Variants in SMARCA4 observed in about 807,000 individuals in gnomAD.
SMARCA4 encodes the protein SWI/SNF-related matrix-associated actin-dependent regulator of chromatin subfamily A member 4.
Under a neutral mutation model 193.9 loss-of-function variants are expected in SMARCA4, and 31 were observed. The ratio of observed to expected loss-of-function variants is 0.16; its 90% CI spans 0.12 to 0.22. SMARCA4 has a LOEUF of 0.22. SMARCA4 is among the 10% of genes least tolerant of loss of function. SMARCA4 has a pLI of 1.00. For missense variants in SMARCA4, 1,148 were observed against 2,296.0 expected, an observed-to-expected ratio of 0.50 and a Z score of 10.22; for synonymous variants, 942 against 933.1, an observed-to-expected ratio of 1.01 and a Z score of -0.17.
Position 11,058,444 on chromosome 19 carries a change from G to C in SMARCA4, c.4533+81G>C, listed in dbSNP as rs2076671800. 3.0e-6 allele frequency: 3 copies of C among 1,003,836 alleles called. No homozygotes were observed. The highest frequency in any genetic ancestry group is 4.7e-6 in the Non-Finnish European group (3 of 641,644). 62.2% of individuals were successfully genotyped at this position (1,003,836 alleles called of 1,614,324 possible). On this transcript the variant is annotated intron_variant, in intron 31 of 34. Transcript: ENST00000344626. This position sits in a 1 kb window ranked among gnomAD's most constrained non-coding sequence, Gnocchi z 5.8. ...GGGGCACCCCCATCTGAGAGCTGTG[G>C]TGTGTGGGCAGAATGACCAGAAACC...
Position 11,061,202 on chromosome 19 carries a change from AAAATATATATATATAT to A in SMARCA4, c.4912-580_4912-565del, listed in dbSNP as rs1306035146. Reference sequence around the variant, plus strand: ...GACCCTGTCTTTAAAAAAAAAAAAAAAAATATATATATATATATATATATATATATATATATATATG... The same window carrying A: ...GACCCTGTCTTTAAAAAAAAAAAAAAATATATATATATATATATATATATG... On this transcript the variant is annotated intron_variant, in intron 34 of 34. Coordinates refer to ENST00000344626, the MANE Select transcript of SMARCA4 (RefSeq NM_003072.5). 4.6e-4 allele frequency among the ~76,000 whole-genome samples: 28 copies of A among 61,442 alleles called. No individual in the cohort carries two copies. The South Asian group carries it at 8.7e-3, about 19-fold the overall frequency. The allele number at this position is 61,442 out of a possible 152,430, so 40.3% of individuals were successfully genotyped here. A position where few individuals can be genotyped will look rare whatever the true frequency, so the allele number is the denominator to read the frequency against.
chr19:10,963,112 C>T (rs1417644540), intron 1 of SMARCA4, among the ~76,000 whole-genome samples: 1 of 151,754 alleles, frequency 6.6e-6, no homozygotes, highest in Non-Finnish European at 1.5e-5. Context: ...GTGGCTCATA[C>T]CTGAAATCCC....
intron 11 of SMARCA4, among the ~76,000 whole-genome samples, chr19:10,998,966 A>G (rs4804559): frequency 3.7e-4 from 55 of 150,672 alleles, no homozygotes; most frequent in Non-Finnish European, 7.1e-4. Flanking sequence ...GTGGTGGTGC[A>G]ATCATGGCTC....
chr19:10,979,061 C>T (rs768959647), intron 1 of SMARCA4, among the ~76,000 whole-genome samples: 13 of 152,056 alleles, frequency 8.5e-5, no homozygotes, highest in Non-Finnish European at 1.6e-4. Flanking sequence ...TAAGAAGATG[C>T]GATTGGACAT....
At chr19:11,007,270 A>C (rs960957632) in intron 13 of SMARCA4, among the ~76,000 whole-genome samples, 2 of 152,110 alleles carry the variant, frequency 1.3e-5, no homozygotes, top group Non-Finnish European at 2.9e-5. Flanking sequence ...TCTCTACTAA[A>C]AATACAAAAA....
chr19:11,006,174 A>G (rs1350635449), intron 13 of SMARCA4, among the ~76,000 whole-genome samples: 3 of 152,396 alleles, frequency 2.0e-5, no homozygotes, highest in African/African-American at 7.2e-5. Flanking sequence ...TGAGGGAACA[A>G]TCAACTGTGT....
At chr19:10,965,512 C>A (rs2145426402) in intron 1 of SMARCA4, among the ~76,000 whole-genome samples, 1 of 152,322 alleles carries the variant, frequency 6.6e-6, no homozygotes, top group East Asian at 1.9e-4. Context: ...GAGTCAGCTC[C>A]TCCATTTTGT....
intron 8 of SMARCA4, among the ~76,000 whole-genome samples, chr19:10,993,070 C>G (rs1485731740): frequency 6.7e-6 from 1 of 149,552 alleles, no homozygotes; most frequent in East Asian, 2.0e-4. Flanking sequence ...ACTGCAGCCT[C>G]TGTCTTCTGG....
chr19:11,052,328 A>G (rs534328876), intron 30 of SMARCA4, among the ~76,000 whole-genome samples: 13 of 152,330 alleles, frequency 8.5e-5, no homozygotes, highest in African/African-American at 2.6e-4. Context: ...TGGGAGGCCA[A>G]CGCGGGAAAA....
Position 10,986,926 on chromosome 19 carries a change from C to A in SMARCA4, c.782C>A (p.Pro261His), listed in dbSNP as rs757327891. 3.7e-6 allele frequency: 6 copies of A among 1,612,766 alleles called. No homozygotes were observed. Among genetic ancestry groups the A allele is most frequent in the Middle Eastern group, 3.3e-4 (2 of 6,062 alleles). Residue 261 changes from proline to histidine, a missense_variant, in exon 5 of 35, where the codon CCT becomes CAT. Pro to His is a moderately conservative substitution (Grantham distance 77). Around this residue, in one of 17 missense-constraint regions of SMARCA4, gnomAD observed 257 missense variants for 276.5 expected, o/e 0.93. Transcript: ENST00000344626. The surrounding 1 kb of genome is among the most constrained non-coding windows in gnomAD (Gnocchi z 6.7). ...GTAGGTATGGGAGGGCCCAACATGC[C>A]TCCCCCAGGACCCTCGGGCGTGCCC... ...RPHGMGGPNM[P>H]PPGPSGVPPG... is the part of the protein sequence containing the mutation.
In SMARCA4 at chr19:10,993,708, C is replaced by T. The variant is rs558900334; in HGVS notation, c.1420-1120C>T. Among the ~76,000 whole-genome samples the T allele has an allele frequency of 1.8e-3, 279 of 151,670 alleles. 2 individuals are homozygous for T. The highest frequency in any genetic ancestry group is 6.5e-3 in the African/African-American group (267 of 41,164). On this transcript the variant is annotated intron_variant, in intron 8 of 34. Transcript: ENST00000344626. ...TCGCCCACGCTGGAGTGCAGTGGCGCGATCTCGGCTCACTGCAAGCTCTGC... is the reference window on the plus strand; with the variant it reads ...TCGCCCACGCTGGAGTGCAGTGGCGTGATCTCGGCTCACTGCAAGCTCTGC...
intron 14 of SMARCA4, among the ~76,000 whole-genome samples, chr19:11,008,875 G>C (rs920214146): frequency 1.3e-5 from 2 of 151,334 alleles, no homozygotes; most frequent in Admixed American, 1.3e-4. Context: ...TTGGGAGGCT[G>C]AGACAGGAGA....
At chr19:11,050,252 G>A (rs530881540) in intron 30 of SMARCA4, among the ~76,000 whole-genome samples, 1 of 152,210 alleles carries the variant, frequency 6.6e-6, no homozygotes, top group African/African-American at 2.4e-5. Flanking sequence ...CCAGGCTGCC[G>A]CAGCTAAGCC....
chr19:11,039,486 C>G lies in SMARCA4; in HGVS notation c.4171-1821C>G, dbSNP rs1600445482. 6.2e-7 allele frequency: 1 copy of G among 1,603,270 alleles called. No homozygotes were observed. The highest frequency in any genetic ancestry group is 8.5e-7 in the Non-Finnish European group (1 of 1,175,758). ...ATTACAGGAAAAGATATCCATGACA[C>G]AGCCAGCAGTGTGGCACGTGGGCTA... is the stretch of plus-strand genomic sequence containing the variant. On this transcript the variant is annotated intron_variant, in intron 29 of 34. Transcript: ENST00000344626.
In SMARCA4 at chr19:10,996,324, C is replaced by T. The variant is rs141090393; in HGVS notation, c.1705C>T (p.Arg569Trp). ...EYVANLTELV[R>W]QHKAAQVAKE... ...CGTGGCTAACCTCACGGAGCTGGTG[C>T]GGCAGCACAAGGCTGCCCAGGTCGC... Residue 569 changes from arginine (R) to tryptophan (W), a missense_variant, in exon 10 of 35, where the codon CGG (arginine) becomes TGG (tryptophan). Arg to Trp is a moderately radical substitution (Grantham distance 101). This residue lies in a region of SMARCA4 where 10 missense variants were observed against 89.9 expected (regional missense o/e 0.11). Transcript: ENST00000344626. The T allele has an allele frequency of 3.1e-6, 5 of 1,614,132 alleles. No individual in the cohort carries two copies. Among genetic ancestry groups the T allele is most frequent in the East Asian group, 2.2e-5 (1 of 44,874 alleles).
At chr19:11,020,382 A>G in intron 18 of SMARCA4, among the ~76,000 whole-genome samples, 1 of 151,618 alleles carries the variant, frequency 6.6e-6, no homozygotes, top group Non-Finnish European at 1.5e-5. Context: ...CAGCTGAGTG[A>G]GTGTTGAACA....
intron 14 of SMARCA4, among the ~76,000 whole-genome samples, chr19:11,009,288 G>A (rs957887329): frequency 2.0e-5 from 3 of 151,814 alleles, no homozygotes; most frequent in Non-Finnish European, 2.9e-5. Flanking sequence ...CCAAAGTGCT[G>A]GGATTACAGG....
chr19:10,985,157 C>T lies in SMARCA4; in HGVS notation c.223-116C>T, dbSNP rs763374920. 8.6e-6 allele frequency: 9 copies of T among 1,049,142 alleles called. No homozygotes were observed. The highest frequency in any genetic ancestry group is 4.7e-5 in the African/African-American group (3 of 63,568). 65.0% of individuals were successfully genotyped at this position (1,049,142 alleles called of 1,614,324 possible). ...TCATGCTGGGGACTGGGGAGATGCGCGTCATCTTCGGGTGGCTGTTCTCGG... is the reference window on the plus strand; with the variant it reads ...TCATGCTGGGGACTGGGGAGATGCGTGTCATCTTCGGGTGGCTGTTCTCGG... On this transcript the variant is annotated intron_variant, in intron 2 of 34. Coordinates refer to ENST00000344626, the MANE Select transcript of SMARCA4 (RefSeq NM_003072.5). This position sits in a 1 kb window ranked among gnomAD's most constrained non-coding sequence, Gnocchi z 4.5.
chr19:10,993,500 A>G lies in SMARCA4; in HGVS notation c.1420-1328A>G, dbSNP rs528812784. On this transcript the variant is annotated intron_variant, in intron 8 of 34. Coordinates refer to ENST00000344626, the MANE Select transcript of SMARCA4 (RefSeq NM_003072.5). ...GGTCTCTGATATTTCCTTAAAATAA[A>G]TTTGTAGTAATGGAATAAGTTGGGT... 2.0e-3 allele frequency among the ~76,000 whole-genome samples: 302 copies of G among 152,270 alleles called. 6 individuals are homozygous for G. The highest frequency in any genetic ancestry group is 0.011 in the South Asian group (51 of 4,824).
Sources: gnomAD v4.1 joint callset for allele counts (sites outside exome capture counted in the v4.1 genomes callset) on GRCh38, gnomAD v4.1.1 for gene constraint, gnomAD v4.1.1 regional missense constraint, Gnocchi (gnomAD v3.1) non-coding constraint, MANE v1.5 for transcripts, NCBI Gene and HGNC (gene_info 2026-07-23, HGNC 2026-07-21) for gene names.